The following GRIN2A variants were observed in gnomAD, a reference collection of about 807,000 sequenced individuals.
GRIN2A encodes glutamate receptor ionotropic, NMDA 2A.
A neutral mutation model predicts 113.4 loss-of-function variants in GRIN2A; 22 were observed. That is an observed-to-expected ratio of 0.19 (90% CI 0.14 to 0.28). The LOEUF is 0.28. Ranked by LOEUF, GRIN2A falls within the 10% of genes least tolerant of loss-of-function variation. The pLI, the probability that GRIN2A is intolerant of heterozygous loss-of-function variation, is 1.00. For synonymous variants in GRIN2A, 827 were observed against 738.4 expected (o/e 1.12, Z -1.94); for missense variants, 1,502 against 1,887.0 (o/e 0.80, Z 3.78).
At chr16:9,765,509 C>T (rs948871569) in intron 12 of GRIN2A, among the ~76,000 whole-genome samples, 11 of 152,168 alleles carry the variant, frequency 7.2e-5, no homozygotes, top group Admixed American at 5.9e-4. Context: ...CACATTGATT[C>T]ATCTAAAGGA....
chr16:10,072,941 A>ACCCC (rs1454088753), intron 2 of GRIN2A, among the ~76,000 whole-genome samples: 3 of 113,814 alleles, frequency 2.6e-5, no homozygotes, highest in Admixed American at 1.0e-4. Flanking sequence ...CAGTGACAAG[A>ACCCC]CCCCCTTTTT....
At chr16:10,102,245 A>G (rs9924125) in intron 2 of GRIN2A, among the ~76,000 whole-genome samples, 76,409 of 152,062 alleles carry the variant, frequency 0.5, 19,398 homozygotes, top group South Asian at 0.55. Flanking sequence ...CCTCATGAAC[A>G]GCCTAGCACC....
intron 2 of GRIN2A, among the ~76,000 whole-genome samples, chr16:10,161,484 C>A (rs148983028): frequency 9.7e-4 from 147 of 152,172 alleles, no homozygotes; most frequent in African/African-American, 3.3e-3. Context: ...GCCTTAGTAC[C>A]AACATAGTTA....
intron 2 of GRIN2A, among the ~76,000 whole-genome samples, chr16:9,979,722 A>T (rs1363937216): frequency 6.6e-6 from 1 of 150,996 alleles, no homozygotes; most frequent in Non-Finnish European, 1.5e-5. Context: ...CACAGAATGA[A>T]TGACTGTACT....
intron 2 of GRIN2A, among the ~76,000 whole-genome samples, chr16:10,139,640 G>C (rs75792929): frequency 0.017 from 2,570 of 152,192 alleles, 74 homozygotes; most frequent in African/African-American, 0.059. Context: ...GGGATACCTT[G>C]TTAAAAAGGC....
intron 2 of GRIN2A, among the ~76,000 whole-genome samples, chr16:9,951,020 C>T (rs1397704171): frequency 6.6e-6 from 1 of 152,196 alleles, no homozygotes; most frequent in African/African-American, 2.4e-5. Context: ...CTCTTCACCA[C>T]TGACAACGTG....
At chr16:9,806,901 TG>T (rs2041980791) in intron 10 of GRIN2A, among the ~76,000 whole-genome samples, 1 of 152,030 alleles carries the variant, frequency 6.6e-6, no homozygotes, top group Non-Finnish European at 1.5e-5. Context: ...CCACCTGTTG[TG>T]GGAGGGACCC....
At position 9,863,616 on chromosome 16, in the gene GRIN2A, C is replaced by A. The variant is rs959095824; in HGVS notation, c.1123-13655G>T. Among the ~76,000 whole-genome samples the A allele has an allele frequency of 3.9e-5, 6 of 152,216 alleles. No homozygotes were observed. The East Asian group carries it at 1.2e-3, about 29-fold the overall frequency. ...AGAAAATCAACTGTTCAAATGTGAACCATGTGTCAATTAGGTAATTTGGGG... is the reference window on the plus strand; with the variant it reads ...AGAAAATCAACTGTTCAAATGTGAAACATGTGTCAATTAGGTAATTTGGGG... On this transcript the variant is annotated intron_variant, in intron 4 of 12. Coordinates refer to ENST00000330684, the MANE Select transcript of GRIN2A (RefSeq NM_001134407.3).
chr16:9,806,068 A>G (rs1446564353), intron 10 of GRIN2A, among the ~76,000 whole-genome samples: 2 of 152,226 alleles, frequency 1.3e-5, no homozygotes, highest in African/African-American at 2.4e-5. Flanking sequence ...TTTCAAAGCA[A>G]ACTCCCTTAA....
chr16:9,767,917 TTC>T (rs1325228543), intron 12 of GRIN2A, among the ~76,000 whole-genome samples: 14 of 152,266 alleles, frequency 9.2e-5, no homozygotes, highest in African/African-American at 3.4e-4. Flanking sequence ...GTTGGGCATG[TTC>T]TGTTACAATG....
Position 10,127,824 on chromosome 16 carries a change from G to A in GRIN2A, c.414+52174C>T, listed in dbSNP as rs142120911. On this transcript the variant is annotated intron_variant, in intron 2 of 12. Transcript: ENST00000330684. ...CTTCCATAGTAAAGAATTAAACCTC[G>A]CCCAAAAAGAAGTCTGGTCTTTACC... Among the ~76,000 whole-genome samples, 500 of 152,190 alleles carry A rather than the reference G, an allele frequency of 3.3e-3. 4 individuals are homozygous for A. Among genetic ancestry groups the A allele is most frequent in the African/African-American group, 0.012 (482 of 41,516 alleles).
At position 10,084,049 on chromosome 16, in the gene GRIN2A, C is replaced by T. The variant is rs563005642; in HGVS notation, c.414+95949G>A. On this transcript the variant is annotated intron_variant, in intron 2 of 12. Coordinates refer to ENST00000330684, the MANE Select transcript of GRIN2A (RefSeq NM_001134407.3). ...CCAGGAGGTCAAGGCAGCAGTGAGC[C>T]GAGATCATGCCACTGCACTCCAGCC... is the stretch of plus-strand genomic sequence containing the variant. Among the ~76,000 whole-genome samples, 24 of 152,182 alleles carry T rather than the reference C, an allele frequency of 1.6e-4. No homozygotes were observed. The South Asian group carries it at 4.6e-3, about 29-fold the overall frequency.
intron 11 of GRIN2A, among the ~76,000 whole-genome samples, chr16:9,782,860 A>G (rs1018847818): frequency 2.0e-5 from 3 of 152,202 alleles, no homozygotes; most frequent in African/African-American, 7.2e-5. Flanking sequence ...TATTATTCCA[A>G]ATATGTCTCT....
chr16:9,762,304 A>G lies in GRIN2A; in HGVS notation c.*845T>C, dbSNP rs1201473064. ...TACATAGGCGTCTTCGGGATAAACTACAATGGCCACTGTGTCACAGACAGA... is the reference window on the plus strand; with the variant it reads ...TACATAGGCGTCTTCGGGATAAACTGCAATGGCCACTGTGTCACAGACAGA... On this transcript the variant is annotated 3_prime_UTR_variant, in exon 13 of 13. Transcript: ENST00000330684. The G allele has an allele frequency of 8.9e-6, 2 of 225,974 alleles. No homozygotes were observed. The highest frequency in any genetic ancestry group is 4.5e-5 in the African/African-American group (2 of 44,872). 14.0% of individuals were successfully genotyped at this position (225,974 alleles called of 1,614,324 possible).
At chr16:9,914,205 C>T (rs568651637) in intron 3 of GRIN2A, among the ~76,000 whole-genome samples, 7 of 152,038 alleles carry the variant, frequency 4.6e-5, no homozygotes, top group South Asian at 2.1e-4. Flanking sequence ...TTTAAAAAAA[C>T]GGCAAATCTT....
Position 9,840,640 on chromosome 16 carries a change from C to G in GRIN2A, c.1651+7G>C, listed in dbSNP as rs2141341727. 2 of 1,612,106 alleles carry G rather than the reference C, an allele frequency of 1.2e-6. No homozygotes were observed. Among genetic ancestry groups the G allele is most frequent in the Non-Finnish European group, 1.7e-6 (2 of 1,178,340 alleles). On this transcript the variant is annotated splice_region_variant and intron_variant, in intron 7 of 12. Coordinates refer to ENST00000330684, the MANE Select transcript of GRIN2A (RefSeq NM_001134407.3). ...GGAAAGCAATAGTCACTATGAAATT[C>G]ACACACCTAGAAAAGCAGAAGGTGA...
chr16:9,965,311 C>A (rs2045532435), intron 2 of GRIN2A, among the ~76,000 whole-genome samples: 1 of 152,188 alleles, frequency 6.6e-6, no homozygotes, highest in South Asian at 2.1e-4. Context: ...ATGGCTACAG[C>A]CTGGTGGTAA....
chr16:9,849,988 T>C, intron 4 of GRIN2A, 27 bp from the exon 5 acceptor site: 1 of 1,593,258 alleles, frequency 6.3e-7, no homozygotes, highest in Non-Finnish European at 8.6e-7. Context: ...AAGACACAGC[T>C]GTGCTTTCTT....
intron 5 of GRIN2A, among the ~76,000 whole-genome samples, chr16:9,842,661 G>C (rs2042701043): frequency 6.6e-6 from 1 of 152,190 alleles, no homozygotes; most frequent in Admixed American, 6.5e-5. Flanking sequence ...CATAGGACAG[G>C]TGCAGTGGCT....
Sources: gnomAD v4.1 joint callset for allele counts (sites outside exome capture counted in the v4.1 genomes callset) on GRCh38, gnomAD v4.1.1 for gene constraint, MANE v1.5 for transcripts, NCBI Gene and HGNC (gene_info 2026-07-23, HGNC 2026-07-21) for gene names.